The following ADA2 variants were observed in gnomAD, a reference collection of about 807,000 sequenced individuals.
ADA2 encodes the protein adenosine deaminase 2.
ADA2 carries 29 observed loss-of-function variants against 44.2 expected under a neutral mutation model. That is an observed-to-expected ratio of 0.66 (90% CI 0.49 to 0.89). The LOEUF is 0.89. Ranked by LOEUF, ADA2 falls within the 40% of genes least tolerant of loss-of-function variation. The pLI is 0.00. For missense variants in ADA2, 637 were observed against 644.8 expected, an observed-to-expected ratio of 0.99 and a Z score of 0.13; for synonymous variants, 215 against 234.9, an observed-to-expected ratio of 0.92 and a Z score of 0.77.
intron 4 of ADA2, among the ~76,000 whole-genome samples, chr22:17,201,334 G>C (rs1307884221): frequency 2.0e-5 from 3 of 152,186 alleles, no homozygotes; most frequent in Non-Finnish European, 4.4e-5. Context: ...AATTTGTTCA[G>C]TGTGTATTGA....
chr22:17,209,888 AAT>A, intron 1 of ADA2, 165 bp from the exon 2 acceptor site: 1 of 505,008 alleles, frequency 2.0e-6, no homozygotes, highest in Non-Finnish European at 3.4e-6. Context: ...GGGGTTTCCC[AAT>A]TTTTTTTTTT....
At chr22:17,194,833 G>T (rs1458272017) in intron 4 of ADA2, among the ~76,000 whole-genome samples, 8 of 152,062 alleles carry the variant, frequency 5.3e-5, no homozygotes, top group Admixed American at 4.6e-4. Context: ...CACTTTAGCA[G>T]AAGAAATATT....
intron 4 of ADA2, chr22:17,199,432 C>CTATCCTCTTCCCCTCCCTCCCCTCCAA: frequency 9.7e-7 from 1 of 1,026,976 alleles, no homozygotes; most frequent in Non-Finnish European, 1.5e-6. Context: ...CTCCCCTCCT[C>CTATCCTCTTCCCCTCCCTCCCCTCCAA]TATCCTCTTC....
chr22:17,181,890 C>A lies in ADA2; in HGVS notation c.1372G>T (p.Val458Phe), dbSNP rs2061973258. ...AKGLSYDFYE[V>F]FMGIGGMKAD... ...TTCATCCCCCCAATGCCCATGAAGA[C>A]CTCATAGAAATCATAGGACAAGCCT... The change falls in exon 9 of 10, where the codon GTC becomes TTC. Residue 458 changes from valine (V) to phenylalanine (F), a missense_variant. Transcript: ENST00000399837. 1 of 1,614,142 alleles carries A rather than the reference C, an allele frequency of 6.2e-7. No individual in the cohort carries two copies. The highest frequency in any genetic ancestry group is 8.5e-7 in the Non-Finnish European group (1 of 1,180,008).
chr22:17,188,428 C>T lies in ADA2; in HGVS notation c.992G>A (p.Gly331Asp), dbSNP rs771413004. Residue 331 changes from glycine (G) to aspartate (D), a missense_variant, in exon 7 of 10, where the codon GGC becomes GAC. By Grantham distance (94) the Gly-to-Asp change is moderately conservative. Coordinates refer to ENST00000399837, the MANE Select transcript of ADA2 (RefSeq NM_001282225.2). ...GFDLVGHEDT[G>D]HSLHDYKEAL... ...TTCCTTGTAGTCATGCAAGGAGTGG[C>T]CAGTGTCCTCATGCCCCACCTGCAG... 1.2e-6 allele frequency: 2 copies of T among 1,613,466 alleles called. No homozygotes were observed. The highest frequency in any genetic ancestry group is 2.2e-5 in the South Asian group (2 of 91,058).
At chr22:17,192,723 G>A (rs1426158722) in intron 4 of ADA2, among the ~76,000 whole-genome samples, 2 of 152,090 alleles carry the variant, frequency 1.3e-5, no homozygotes, top group Non-Finnish European at 2.9e-5. Flanking sequence ...CAGCTACTGG[G>A]GAGGCTGAGG....
Position 17,179,747 on chromosome 22 carries a change from G to A in ADA2, c.*1736C>T, listed in dbSNP as rs1360184581. The A allele has an allele frequency of 7.2e-5, 11 of 152,304 alleles. No individual in the cohort carries two copies. Among genetic ancestry groups the A allele is most frequent in the African/African-American group, 2.7e-4 (11 of 41,468 alleles). The allele number at this position is 152,304 out of a possible 1,614,324, so 9.4% of individuals were successfully genotyped here. On this transcript the variant is annotated 3_prime_UTR_variant, in exon 10 of 10. Coordinates refer to ENST00000399837, the MANE Select transcript of ADA2 (RefSeq NM_001282225.2). ...CGCCGGAATGGATCCAGATTAAATCGGATGCTGTATGCCCTGTGGAGACAT... is the reference window on the plus strand; with the variant it reads ...CGCCGGAATGGATCCAGATTAAATCAGATGCTGTATGCCCTGTGGAGACAT...
intron 4 of ADA2, among the ~76,000 whole-genome samples, chr22:17,199,089 T>C (rs1444164955): frequency 1.3e-5 from 2 of 152,100 alleles, no homozygotes; most frequent in African/African-American, 4.8e-5. Flanking sequence ...TGTTCCAGGG[T>C]CAGACCCGAA....
At chr22:17,208,102 A>AT (rs1387395851) in intron 2 of ADA2, among the ~76,000 whole-genome samples, 1 of 151,878 alleles carries the variant, frequency 6.6e-6, no homozygotes, top group Non-Finnish European at 1.5e-5. Flanking sequence ...GATTATTATT[A>AT]TTTTTTAAAT....
At chr22:17,196,618 G>C (rs765321574) in intron 4 of ADA2, among the ~76,000 whole-genome samples, 2 of 152,042 alleles carry the variant, frequency 1.3e-5, no homozygotes, top group Non-Finnish European at 2.9e-5. Context: ...CAGCTAGATT[G>C]GAGGCTCCTC....
chr22:17,196,792 G>A (rs1045809739), intron 4 of ADA2, among the ~76,000 whole-genome samples: 1 of 152,116 alleles, frequency 6.6e-6, no homozygotes, highest in African/African-American at 2.4e-5. Context: ...TTGGCGGAGT[G>A]GTAGGTGGAG....
At chr22:17,183,367 G>T (rs1478984792) in intron 7 of ADA2, among the ~76,000 whole-genome samples, 1 of 151,654 alleles carries the variant, frequency 6.6e-6, no homozygotes, top group Non-Finnish European at 1.5e-5. Flanking sequence ...ACAGGCGTGA[G>T]CCGCCGCACC....
At chr22:17,203,219 C>T (rs1306561138) in intron 4 of ADA2, among the ~76,000 whole-genome samples, 3 of 152,132 alleles carry the variant, frequency 2.0e-5, no homozygotes, top group African/African-American at 7.2e-5. Flanking sequence ...CATGTGGCTC[C>T]TTTTATTTTT....
At chr22:17,215,340 C>T (rs186510485) in intron 1 of ADA2, among the ~76,000 whole-genome samples, 50 of 152,106 alleles carry the variant, frequency 3.3e-4, no homozygotes, top group African/African-American at 1.2e-3. Context: ...GTGGCTTACG[C>T]CTGTAATCCC....
At position 17,183,955 on chromosome 22, in the gene ADA2, C is replaced by CTTTTT. The variant is rs33921509; in HGVS notation, c.1082-1199_1082-1195dup. On this transcript the variant is annotated intron_variant, in intron 7 of 9. Transcript: ENST00000399837. The stretch of plus-strand genomic sequence containing the variant: ...CCCCTGCCATCCCCATCACACCTTT[C>CTTTTT]TTTTTTTTTTTTTTTTTTTTTGAGA... Among the ~76,000 whole-genome samples, 588 of 79,744 alleles carry CTTTTT rather than the reference C, an allele frequency of 7.4e-3. 38 individuals are homozygous for CTTTTT. The highest frequency in any genetic ancestry group is 8.6e-3 in the Non-Finnish European group (395 of 45,760). The allele number at this position is 79,744 out of a possible 152,430, so 52.3% of individuals were successfully genotyped here.
At chr22:17,198,225 A>G (rs2062218741) in intron 4 of ADA2, among the ~76,000 whole-genome samples, 1 of 152,146 alleles carries the variant, frequency 6.6e-6, no homozygotes, top group Admixed American at 6.5e-5. Flanking sequence ...GCACATTGGC[A>G]TCACTCAAGG....
chr22:17,201,376 A>T (rs1401912675), intron 4 of ADA2, among the ~76,000 whole-genome samples: 1 of 152,198 alleles, frequency 6.6e-6, no homozygotes, highest in Non-Finnish European at 1.5e-5. Context: ...CTGGGTCTAC[A>T]AACAGTAAAC....
upstream of ADA2, among the ~76,000 whole-genome samples, chr22:17,221,452 G>A (rs968386087): frequency 2.8e-5 from 4 of 143,542 alleles, no homozygotes; most frequent in African/African-American, 7.5e-5. Flanking sequence ...CGACCCCCCC[G>A]ACAGGCCCTG....
chr22:17,189,902 C>T (rs370333091), intron 6 of ADA2, 40 bp downstream of exon 6: 7 of 1,438,838 alleles, frequency 4.9e-6, no homozygotes, highest in South Asian at 1.1e-5. Flanking sequence ...CCTCGCATGC[C>T]CCCTTAACAG....
Sources: gnomAD v4.1 joint callset for allele counts (sites outside exome capture counted in the v4.1 genomes callset) on GRCh38, gnomAD v4.1.1 for gene constraint, MANE v1.5 for transcripts, NCBI Gene and HGNC (gene_info 2026-07-23, HGNC 2026-07-21) for gene names.